Variants in DIP2A observed in about 807,000 individuals in gnomAD.
The protein encoded by DIP2A is DIP2 acetate--CoA ligase A.
In DIP2A, 85 loss-of-function variants were observed where a neutral mutation model predicts 177.4. That is an observed-to-expected ratio of 0.48 (90% confidence interval 0.40 to 0.57). The LOEUF is 0.57. DIP2A is among the 20% of genes least tolerant of loss of function. The probability of loss-of-function intolerance (pLI) is 0.00; values close to 1 mark genes in which losing one functional copy is unlikely to be tolerated. For synonymous variants in DIP2A, 886 were observed against 881.8 expected (o/e 1.00, Z -0.08); for missense variants, 1,791 against 2,100.2 (o/e 0.85, Z 2.88).
At chr21:46,510,898 G>A (rs974416878) in intron 7 of DIP2A, among the ~76,000 whole-genome samples, 2 of 152,140 alleles carry the variant, frequency 1.3e-5, no homozygotes, top group African/African-American at 2.4e-5. Flanking sequence ...CTCCCAAAGT[G>A]CTGGGATTAC....
At position 46,497,055 on chromosome 21, in the gene DIP2A, G is replaced by A. The variant is rs369485432; in HGVS notation, c.351G>A (p.Ser117=). The change falls in exon 4 of 38, where the codon TCG becomes TCA. Residue 117 remains serine (S), a synonymous_variant. Coordinates refer to ENST00000417564, the MANE Select transcript of DIP2A (RefSeq NM_015151.4). ...AAGAGAGGAAGATGCCTATGCCTTC[G>A]AAGAGACGTTCTGTCCTTGTGCATT... ...KYKERKMPMP[S]KRRSVLVHSS... is the part of the protein sequence containing the mutation. 5.0e-6 allele frequency: 8 copies of A among 1,613,912 alleles called. No homozygotes were observed. The highest frequency in any genetic ancestry group is 5.1e-6 in the Non-Finnish European group (6 of 1,179,864).
intron 10 of DIP2A, among the ~76,000 whole-genome samples, chr21:46,532,569 CA>C (rs1162677215): frequency 6.6e-6 from 1 of 152,064 alleles, no homozygotes; most frequent in Non-Finnish European, 1.5e-5. Flanking sequence ...AATTATGATT[CA>C]ATAAGATTTT....
At chr21:46,504,593 A>C (rs2148578517) in intron 6 of DIP2A, 104 bp downstream of exon 6, 1 of 1,384,354 alleles carries the variant, frequency 7.2e-7, no homozygotes, top group Non-Finnish European at 9.6e-7. Flanking sequence ...CCCAAGCCAA[A>C]CGTCAGTTTT....
At position 46,549,862 on chromosome 21, in the gene DIP2A, C is replaced by T. The variant is rs1413142941; in HGVS notation, c.2614C>T (p.Gln872Ter). ...GGATGCCTCGGAGGAGGACAGCTTC[C>T]AGTGGATGAGCCGTGTGCTGCAGGT... ...RPDASEEDSF[Q>*]WMSRVLQAID... The change falls in exon 22 of 38, where the codon CAG becomes TAG. Residue 872 changes from glutamine to a stop codon, truncating the protein, a stop_gained. Coordinates refer to ENST00000417564, the MANE Select transcript of DIP2A (RefSeq NM_015151.4). LOFTEE classifies it high-confidence loss of function. 1 of 1,612,314 alleles carries T rather than the reference C, an allele frequency of 6.2e-7. No homozygotes were observed. The highest frequency in any genetic ancestry group is 1.7e-5 in the Admixed American group (1 of 60,022).
At chr21:46,562,346 AAAGG>A (rs1427445396) in intron 34 of DIP2A, among the ~76,000 whole-genome samples, 1 of 152,222 alleles carries the variant, frequency 6.6e-6, no homozygotes, top group Non-Finnish European at 1.5e-5. Context: ...GGAAGGGTTC[AAAGG>A]AAGGAGGAAA....
At chr21:46,459,609 G>A (rs1226454243) in intron 1 of DIP2A, among the ~76,000 whole-genome samples, 6 of 134,450 alleles carry the variant, frequency 4.5e-5, no homozygotes, top group Admixed American at 2.3e-4. Flanking sequence ...TTCACCCTGG[G>A]AGCCCCGCGC....
chr21:46,461,969 G>A (rs1225960239), intron 1 of DIP2A, among the ~76,000 whole-genome samples: 4 of 152,100 alleles, frequency 2.6e-5, no homozygotes, highest in Non-Finnish European at 5.9e-5. Flanking sequence ...GGCCGAGGTG[G>A]GAGGATCACC....
intron 6 of DIP2A, among the ~76,000 whole-genome samples, chr21:46,506,636 T>G (rs567266002): frequency 6.6e-5 from 10 of 152,288 alleles, no homozygotes; most frequent in African/African-American, 1.9e-4. Flanking sequence ...TGAACATCTT[T>G]TTATGCACCT....
Position 46,557,461 on chromosome 21 carries a change from G to C in DIP2A, c.3630-124G>C. Reference sequence around the variant, plus strand: ...TGTTTTCCACCAAACCCCCCCACTTGGCGTCAGAACAGAAATCATGCCCCT... The same window carrying C: ...TGTTTTCCACCAAACCCCCCCACTTCGCGTCAGAACAGAAATCATGCCCCT... On this transcript the variant is annotated intron_variant, in intron 30 of 37. Transcript: ENST00000417564. This position sits in a 1 kb window ranked among gnomAD's most constrained non-coding sequence, Gnocchi z 6.0. 8.3e-7 allele frequency: 1 copy of C among 1,205,114 alleles called. No homozygotes were observed. Among genetic ancestry groups the C allele is most frequent in the Non-Finnish European group, 1.1e-6 (1 of 884,326 alleles). The allele number at this position is 1,205,114 out of a possible 1,614,324, so 74.7% of individuals were successfully genotyped here.
chr21:46,487,962 C>T (rs1164149308), intron 2 of DIP2A, among the ~76,000 whole-genome samples: 3 of 152,104 alleles, frequency 2.0e-5, no homozygotes, highest in Admixed American at 2.0e-4. Context: ...TTGGAAGTGA[C>T]CCATTAGAAG....
intron 1 of DIP2A, among the ~76,000 whole-genome samples, chr21:46,467,654 TA>T (rs1238633147): frequency 2.0e-5 from 3 of 152,212 alleles, no homozygotes; most frequent in Non-Finnish European, 4.4e-5. Context: ...TGAAAATCTT[TA>T]AAAGTTACAC....
At chr21:46,564,072 C>A in intron 35 of DIP2A, 140 bp downstream of exon 35, 2 of 914,386 alleles carry the variant, frequency 2.2e-6, no homozygotes, top group Non-Finnish European at 3.2e-6. Context: ...GCCCCGTGTA[C>A]CTCCCAGACC....
chr21:46,513,853 T>TA (rs1337706556), intron 8 of DIP2A, among the ~76,000 whole-genome samples: 17 of 151,348 alleles, frequency 1.1e-4, no homozygotes, highest in Non-Finnish European at 2.2e-4. Flanking sequence ...TTCCAAAATC[T>TA]AAAAAAAAAT....
intron 1 of DIP2A, among the ~76,000 whole-genome samples, chr21:46,460,210 C>T (rs1250141896): frequency 1.3e-5 from 2 of 151,944 alleles, no homozygotes; most frequent in Admixed American, 6.6e-5. Flanking sequence ...AAAAAAAAGT[C>T]GTATAAATGG....
intron 11 of DIP2A, 101 bp from the exon 12 acceptor site, chr21:46,533,903 C>A: frequency 1.9e-6 from 2 of 1,075,802 alleles, no homozygotes; most frequent in South Asian, 1.4e-5. Flanking sequence ...ACTCCTTATT[C>A]GCTCAGTAGC....
rs925335479 is a variant in DIP2A at position 46,556,449 on chromosome 21, C to T, written c.3498+358C>T. ...CTGTAATCCCAGCACTTCGGGAGGC[C>T]GAGGCGGGTGGATCACAAGATCAAG... On this transcript the variant is annotated intron_variant, in intron 29 of 37. Transcript: ENST00000417564. This position sits in a 1 kb window ranked among gnomAD's most constrained non-coding sequence, Gnocchi z 4.5. The T allele has an allele frequency of 3.4e-5, 41 of 1,191,062 alleles. No individual in the cohort carries two copies. The East Asian group carries it at 1.3e-3, about 37-fold the overall frequency. The allele number at this position is 1,191,062 out of a possible 1,614,324, so 73.8% of individuals were successfully genotyped here.
chr21:46,468,965 TTTAAAC>T (rs1162818045), intron 1 of DIP2A, among the ~76,000 whole-genome samples: 1 of 152,226 alleles, frequency 6.6e-6, no homozygotes. Context: ...ACCGCTTAAG[TTTAAAC>T]TTCACTTTCT....
intron 33 of DIP2A, 58 bp from the exon 34 acceptor site, chr21:46,561,690 T>G (rs2060670011): frequency 6.2e-7 from 1 of 1,602,070 alleles, no homozygotes; most frequent in East Asian, 2.2e-5. Context: ...ATCTGCCCTT[T>G]CAGACATTAC....
intron 25 of DIP2A, chr21:46,553,872 AC>A (rs748730870): frequency 8.4e-6 from 2 of 239,216 alleles, no homozygotes; most frequent in South Asian, 5.5e-5. Context: ...GAGAAAAGAC[AC>A]CAGTCGTGGA....
Sources: gnomAD v4.1 joint callset for allele counts (sites outside exome capture counted in the v4.1 genomes callset) on GRCh38, gnomAD v4.1.1 for gene constraint, Gnocchi (gnomAD v3.1) non-coding constraint, MANE v1.5 for transcripts, NCBI Gene and HGNC (gene_info 2026-07-23, HGNC 2026-07-21) for gene names.